CSMD2: variants seen among roughly 807,000 people sequenced by gnomAD.
CSMD2 encodes CUB and Sushi multiple domains 2, also known as CUB and sushi domain-containing protein 2.
A neutral mutation model predicts 398.5 loss-of-function variants in CSMD2; 130 were observed. That is an observed-to-expected ratio of 0.33 (90% confidence interval 0.28 to 0.38). The LOEUF (loss-of-function observed/expected upper bound fraction) is 0.38, where lower values mean the gene tolerates loss of function less well. Among genes scored for constraint, CSMD2 ranks in the 10% least tolerant of loss-of-function variants. The probability of loss-of-function intolerance (pLI) is 1.00; values close to 1 mark genes in which losing one functional copy is unlikely to be tolerated. For synonymous variants in CSMD2, 1,828 were observed against 1,908.5 expected (o/e 0.96, Z 1.10); for missense variants, 3,829 against 4,764.9 (o/e 0.80, Z 5.78).
chr1:34,002,961 C>G (rs1646945730), intron 3 of CSMD2, among the ~76,000 whole-genome samples: 1 of 152,222 alleles, frequency 6.6e-6, no homozygotes. Context: ...AAGCCGAAAG[C>G]AGGTGCAGCT....
chr1:34,006,393 C>T, intron 3 of CSMD2, among the ~76,000 whole-genome samples: 1 of 152,202 alleles, frequency 6.6e-6, no homozygotes, highest in Admixed American at 6.5e-5. Flanking sequence ...AATAGATCAA[C>T]TGCTCCTATT....
At chr1:33,953,535 C>G (rs1645072521) in intron 3 of CSMD2, among the ~76,000 whole-genome samples, 1 of 152,188 alleles carries the variant, frequency 6.6e-6, no homozygotes, top group South Asian at 2.1e-4. Context: ...AGCTCATAGT[C>G]CTTATAGAGT....
chr1:33,668,027 T>C (rs1644370970), intron 25 of CSMD2, among the ~76,000 whole-genome samples: 1 of 152,108 alleles, frequency 6.6e-6, no homozygotes, highest in South Asian at 2.1e-4. Context: ...GAGCATCCAC[T>C]TTAGACAGAG....
chr1:33,823,386 CCCTT>C (rs567087536), intron 7 of CSMD2, among the ~76,000 whole-genome samples: 1,072 of 76,858 alleles, frequency 0.014, 6 homozygotes, highest in African/African-American at 0.078. Context: ...AAGTGTTTCT[CCCTT>C]TCTTTTTTTT....
In CSMD2 at chr1:33,567,644, G is replaced by A. The variant is rs1338145854; in HGVS notation, c.8329C>T (p.Arg2777Cys). 1.9e-6 allele frequency: 3 copies of A among 1,614,136 alleles called. No individual in the cohort carries two copies. The highest frequency in any genetic ancestry group is 1.3e-5 in the African/African-American group (1 of 75,046). The change falls in exon 53 of 71, where the codon CGC (arginine) becomes TGC (cysteine). Residue 2777 changes from arginine (R) to cysteine (C), a missense_variant. Arg to Cys is a radical substitution (Grantham distance 180, BLOSUM62 -3). Coordinates refer to ENST00000373381, the MANE Select transcript of CSMD2 (RefSeq NM_001281956.2). ...AGFRLIGMSV[R>C]ICQQDHHWSG... is the part of the protein sequence containing the mutation. ...CAGTGATGATCCTGCTGGCAGATGC[G>A]CACAGACATGCCGATCAGGCGGAAG...
Position 33,533,973 on chromosome 1 carries a change from GAC to G in CSMD2, c.9880-68_9880-67del. The G allele has an allele frequency of 1.0e-6, 1 of 994,948 alleles. No homozygotes were observed. Among genetic ancestry groups the G allele is most frequent in the Non-Finnish European group, 1.6e-6 (1 of 632,234 alleles). 61.6% of individuals were successfully genotyped at this position (994,948 alleles called of 1,614,324 possible). A position where few individuals can be genotyped will look rare whatever the true frequency, so the allele number is the denominator to read the frequency against. ...GCGGTGCTTCCTACGTCTGTCCCTT[GAC>G]CACTTTCACATGGCCCAACTCCTCC... On this transcript the variant is annotated intron_variant, in intron 62 of 70. Transcript: ENST00000373381. The surrounding 1 kb of genome is among the most constrained non-coding windows in gnomAD (Gnocchi z 4.2).
At chr1:33,734,988 G>A (rs1462384915) in intron 15 of CSMD2, among the ~76,000 whole-genome samples, 6 of 152,048 alleles carry the variant, frequency 3.9e-5, no homozygotes, top group African/African-American at 9.7e-5. Flanking sequence ...GTCAATTTCC[G>A]ATGTCTCCAT....
intron 37 of CSMD2, among the ~76,000 whole-genome samples, chr1:33,619,453 C>T (rs998683847): frequency 6.6e-6 from 1 of 152,224 alleles, no homozygotes; most frequent in African/African-American, 2.4e-5. Flanking sequence ...CAGGCAGCAG[C>T]TAATGAGTCC....
intron 1 of CSMD2, among the ~76,000 whole-genome samples, chr1:34,101,511 T>C (rs1659939520): frequency 6.6e-6 from 1 of 152,250 alleles, no homozygotes; most frequent in Non-Finnish European, 1.5e-5. Context: ...TGTCTAGGAA[T>C]ACCTATCTCA....
chr1:33,734,628 T>C (rs1646826075), intron 15 of CSMD2, among the ~76,000 whole-genome samples: 1 of 151,890 alleles, frequency 6.6e-6, no homozygotes, highest in South Asian at 2.1e-4. Context: ...CTACTAAGAA[T>C]ACAAAAATTA....
chr1:33,977,316 C>T (rs971845806), intron 3 of CSMD2, among the ~76,000 whole-genome samples: 1 of 151,970 alleles, frequency 6.6e-6, no homozygotes, highest in African/African-American at 2.4e-5. Context: ...ACAGGAGATT[C>T]AACCTCATGA....
chr1:33,843,939 T>C (rs763759341), intron 6 of CSMD2, among the ~76,000 whole-genome samples: 2 of 152,204 alleles, frequency 1.3e-5, no homozygotes, highest in African/African-American at 4.8e-5. Flanking sequence ...CTGGTCCCTT[T>C]GCACACCTAG....
At chr1:34,142,060 G>A (rs1639345423) in intron 1 of CSMD2, among the ~76,000 whole-genome samples, 1 of 152,046 alleles carries the variant, frequency 6.6e-6, no homozygotes, top group Admixed American at 6.5e-5. Context: ...GCTCCTTAAG[G>A]CAGGGATGCT....
chr1:33,990,127 C>A (rs140475563), intron 3 of CSMD2, among the ~76,000 whole-genome samples: 6,708 of 151,524 alleles, frequency 0.044, 506 homozygotes, highest in African/African-American at 0.16. Context: ...AAAAAATTAG[C>A]CTGGCATGGT....
At chr1:33,976,257 G>A (rs1645959000) in intron 3 of CSMD2, among the ~76,000 whole-genome samples, 1 of 152,222 alleles carries the variant, frequency 6.6e-6, no homozygotes, top group East Asian at 1.9e-4. Context: ...TCATGCACAG[G>A]ATCAGGGGCA....
chr1:34,024,648 C>G (rs1368810015), intron 3 of CSMD2, among the ~76,000 whole-genome samples: 1 of 152,208 alleles, frequency 6.6e-6, no homozygotes, highest in Non-Finnish European at 1.5e-5. Flanking sequence ...GGAAATGGAA[C>G]AGGTTCACTC....
At chr1:34,088,136 T>C (rs1571070430) in intron 2 of CSMD2, among the ~76,000 whole-genome samples, 1 of 152,204 alleles carries the variant, frequency 6.6e-6, no homozygotes. Flanking sequence ...GCTTTGAGGT[T>C]AAGCATTTGG....
chr1:34,130,389 C>CAAAAAAAAA (rs60733725), intron 1 of CSMD2, among the ~76,000 whole-genome samples: 1 of 58,500 alleles, frequency 1.7e-5, no homozygotes, highest in Non-Finnish European at 3.0e-5. Context: ...TGTCTGGAGG[C>CAAAAAAAAA]AAAAAAAAAA....
intron 42 of CSMD2, among the ~76,000 whole-genome samples, chr1:33,603,369 G>A (rs1374945599): frequency 1.3e-5 from 2 of 152,156 alleles, no homozygotes; most frequent in Non-Finnish European, 2.9e-5. Context: ...GAAAATAGAT[G>A]GGGATGGTGG....
Sources: allele counts gnomAD v4.1 joint callset (sites outside exome capture counted in the v4.1 genomes callset), GRCh38; gene constraint gnomAD v4.1.1; non-coding constraint Gnocchi (gnomAD v3.1); transcripts MANE v1.5; gene names NCBI Gene and HGNC (gene_info 2026-07-23, HGNC 2026-07-21).